Variants in VAMP8 observed in about 807,000 individuals in gnomAD.
VAMP8 encodes vesicle-associated membrane protein 8.
In VAMP8, 9 loss-of-function variants were observed where a neutral mutation model predicts 11.4. The ratio of observed to expected loss-of-function variants is 0.79; its 90% confidence interval spans 0.48 to 1.38. The LOEUF (loss-of-function observed/expected upper bound fraction) is 1.38, where lower values mean the gene tolerates loss of function less well. Among genes scored for constraint, VAMP8 ranks in the 40% most tolerant of loss-of-function variants. VAMP8 has a pLI of 0.00. For missense variants in VAMP8, 108 were observed against 127.8 expected (o/e 0.85, Z 0.75); for synonymous variants, 42 against 44.7 (o/e 0.94, Z 0.24).
At chr2:85,578,809 T>C (rs943553054) in intron 1 of VAMP8, among the ~76,000 whole-genome samples, 200 bp from the exon 2 acceptor site, 1 of 152,204 alleles carries the variant, frequency 6.6e-6, no homozygotes, top group African/African-American at 2.4e-5. Context: ...CTGTTCAGCA[T>C]CACATCTCAC....
chr2:85,579,124 A>G lies in VAMP8; in HGVS notation c.119A>G (p.Asn40Ser). 2 of 1,608,682 alleles carry G rather than the reference A, an allele frequency of 1.2e-6. No homozygotes were observed. Among genetic ancestry groups the G allele is most frequent in the Non-Finnish European group, 1.7e-6 (2 of 1,177,014 alleles). The change falls in exon 2 of 3, where the codon AAC becomes AGC. Residue 40 changes from asparagine (N) to serine (S), a missense_variant. By Grantham distance (46) the Asn-to-Ser change is conservative (BLOSUM62 1). Coordinates refer to ENST00000263864, the MANE Select transcript of VAMP8 (RefSeq NM_003761.5). ...NVERILARGENLEHLRNKTED... is the reference protein window; with the variant it reads ...NVERILARGESLEHLRNKTED... ...GAGCGGATCCTGGCCCGGGGGGAAA[A>G]CTTGGAACATCTCCGCAACAAGACA...
At chr2:85,577,828 C>A (rs1672306337) in intron 1 of VAMP8, among the ~76,000 whole-genome samples, 179 bp downstream of exon 1, 2 of 152,176 alleles carry the variant, frequency 1.3e-5, no homozygotes, top group Admixed American at 6.5e-5. Flanking sequence ...GCTGTCCTGG[C>A]AGGTGTTTCT....
At chr2:85,579,333 T>C (rs1672332001) in intron 2 of VAMP8, among the ~76,000 whole-genome samples, 166 bp downstream of exon 2, 1 of 152,226 alleles carries the variant, frequency 6.6e-6, no homozygotes, top group Admixed American at 6.5e-5. Flanking sequence ...TCTGCTCTGC[T>C]CCACAGATTG....
intron 1 of VAMP8, among the ~76,000 whole-genome samples, chr2:85,578,478 G>A (rs1672317242): frequency 6.6e-6 from 1 of 152,192 alleles, no homozygotes; most frequent in African/African-American, 2.4e-5. Context: ...CTGTTGTTCT[G>A]GGTCACAGCA....
chr2:85,578,851 A>C (rs1310420633), intron 1 of VAMP8, among the ~76,000 whole-genome samples, 158 bp from the exon 2 acceptor site: 1 of 152,150 alleles, frequency 6.6e-6, no homozygotes, highest in Non-Finnish European at 1.5e-5. Flanking sequence ...TTTATTTTTG[A>C]TTACAGAAGT....
At position 85,581,829 on chromosome 2, in the gene VAMP8, C is replaced by G; in HGVS notation, c.*113C>G. ...TCTACAGAGAATGCTGCTCGGTCCTCCTACCCCTCTTCCCGAGGCCCTGCT... is the reference window on the plus strand; with the variant it reads ...TCTACAGAGAATGCTGCTCGGTCCTGCTACCCCTCTTCCCGAGGCCCTGCT... On this transcript the variant is annotated 3_prime_UTR_variant, in exon 3 of 3. Transcript: ENST00000263864. 7.0e-7 allele frequency: 1 copy of G among 1,431,714 alleles called. No homozygotes were observed. Among genetic ancestry groups the G allele is most frequent in the South Asian group, 1.3e-5 (1 of 76,268 alleles). The allele number at this position is 1,431,714 out of a possible 1,614,324, so 88.7% of individuals were successfully genotyped here.
chr2:85,579,266 T>A, intron 2 of VAMP8, 99 bp downstream of exon 2: 1 of 1,345,230 alleles, frequency 7.4e-7, no homozygotes, highest in Non-Finnish European at 1.0e-6. Context: ...AGTTTGACAT[T>A]TCTGTTGCCT....
In VAMP8 at chr2:85,577,601, C is replaced by G; in HGVS notation, c.-46C>G. Reference sequence around the variant, plus strand: ...ACTGAGGGCCACCCTGGGAGGAAGCCGACTAGGCGAATTCACTTACTGACC... The same window carrying G: ...ACTGAGGGCCACCCTGGGAGGAAGCGGACTAGGCGAATTCACTTACTGACC... On this transcript the variant is annotated 5_prime_UTR_variant, in exon 1 of 3. Coordinates refer to ENST00000263864, the MANE Select transcript of VAMP8 (RefSeq NM_003761.5). 1.3e-6 allele frequency: 2 copies of G among 1,551,654 alleles called. No homozygotes were observed. Among genetic ancestry groups the G allele is most frequent in the Non-Finnish European group, 1.7e-6 (2 of 1,147,056 alleles).
At chr2:85,579,255 A>T in intron 2 of VAMP8, 88 bp downstream of exon 2, 1 of 1,405,656 alleles carries the variant, frequency 7.1e-7, no homozygotes, top group Non-Finnish European at 9.5e-7. Context: ...GGAGGGCCAG[A>T]AGTTTGACAT....
intron 2 of VAMP8, chr2:85,579,743 C>G: frequency 6.4e-7 from 1 of 1,550,720 alleles, no homozygotes; most frequent in South Asian, 1.2e-5. Context: ...TCTCTCCAGC[C>G]AGGGGCTGAG....
rs1672301479 is a variant in VAMP8 at position 85,577,588 on chromosome 2, C to T, written c.-59C>T. ...AAGCAGGAAGTGAACTGAGGGCCAC[C>T]CTGGGAGGAAGCCGACTAGGCGAAT... On this transcript the variant is annotated 5_prime_UTR_variant, in exon 1 of 3. Coordinates refer to ENST00000263864, the MANE Select transcript of VAMP8 (RefSeq NM_003761.5). The T allele has an allele frequency of 6.4e-7, 1 of 1,551,554 alleles. No homozygotes were observed. The highest frequency in any genetic ancestry group is 1.4e-5 in the African/African-American group (1 of 73,098).
chr2:85,579,484 C>G (rs1306125820), intron 2 of VAMP8, among the ~76,000 whole-genome samples: 2 of 152,176 alleles, frequency 1.3e-5, no homozygotes, highest in Non-Finnish European at 2.9e-5. Context: ...CCCTTTGAAG[C>G]CTGCCCATGA....
chr2:85,581,106 T>TGGAGATG (rs1330106811), intron 2 of VAMP8, among the ~76,000 whole-genome samples: 1 of 152,086 alleles, frequency 6.6e-6, no homozygotes, highest in Non-Finnish European at 1.5e-5. Context: ...GCTTGAGCCC[T>TGGAGATG]GGAGATGGAA....
At chr2:85,580,053 A>G (rs2104030885) in intron 2 of VAMP8, among the ~76,000 whole-genome samples, 1 of 151,812 alleles carries the variant, frequency 6.6e-6, no homozygotes, top group African/African-American at 2.4e-5. Context: ...CTGGGTTCAA[A>G]CGATTCTCGT....
chr2:85,578,944 A>C, intron 1 of VAMP8, 65 bp from the exon 2 acceptor site: 1 of 1,550,172 alleles, frequency 6.5e-7, no homozygotes, highest in Middle Eastern at 1.7e-4. Context: ...CCCTCCCCAG[A>C]TCTCTGAGCC....
At position 85,581,867 on chromosome 2, in the gene VAMP8, GC is replaced by G; in HGVS notation, c.*155del. 9.8e-7 allele frequency: 1 copy of G among 1,022,350 alleles called. No homozygotes were observed. The highest frequency in any genetic ancestry group is 1.4e-6 in the Non-Finnish European group (1 of 697,678). The allele number at this position is 1,022,350 out of a possible 1,614,324, so 63.3% of individuals were successfully genotyped here. ...CCGAGGCCCTGCTGCCATGTTGTAT[GC>G]CCCAGAAGGTACCTTGGTCCCCCGG... On this transcript the variant is annotated 3_prime_UTR_variant, in exon 3 of 3. Coordinates refer to ENST00000263864, the MANE Select transcript of VAMP8 (RefSeq NM_003761.5).
At position 85,579,111 on chromosome 2, in the gene VAMP8, GC is replaced by G. The variant is rs1196838122; in HGVS notation, c.109del (p.Arg37GlyfsTer38). 1 of 1,608,738 alleles carries G rather than the reference GC, an allele frequency of 6.2e-7. No homozygotes were observed. Among genetic ancestry groups the G allele is most frequent in the South Asian group, 1.1e-5 (1 of 90,062 alleles). ...GACCCAGAATGTGGAGCGGATCCTG[GC>G]CCGGGGGGAAAACTTGGAACATCTC... ...IMTQNVERIL[A>X]RGENLEHLRN... On this transcript the variant is annotated frameshift_variant, in exon 2 of 3. Coordinates refer to ENST00000263864, the MANE Select transcript of VAMP8 (RefSeq NM_003761.5). LOFTEE classifies it high-confidence loss of function.
Position 85,579,920 on chromosome 2 carries a change from C to G in VAMP8, c.162+753C>G, listed in dbSNP as rs578222783. ...TGGGGCTCATTGCCTGTTTCTGTAG[C>G]TTAATTGTAGCTTAATTTGGGGAGC... On this transcript the variant is annotated intron_variant, in intron 2 of 2. Transcript: ENST00000263864. 8 of 1,519,136 alleles carry G rather than the reference C, an allele frequency of 5.3e-6. No homozygotes were observed. The African/African-American group carries it at 7.0e-5, about 13-fold the overall frequency. The allele number at this position is 1,519,136 out of a possible 1,614,324, so 94.1% of individuals were successfully genotyped here. A position where few individuals can be genotyped will look rare whatever the true frequency, so the allele number is the denominator to read the frequency against.
intron 2 of VAMP8, among the ~76,000 whole-genome samples, 183 bp downstream of exon 2, chr2:85,579,350 A>G (rs1001304016): frequency 6.6e-6 from 1 of 152,170 alleles, no homozygotes; most frequent in Non-Finnish European, 1.5e-5. Context: ...ATTGTTATGG[A>G]TCCCAGGGAA....
Sources: gnomAD v4.1 joint callset for allele counts (sites outside exome capture counted in the v4.1 genomes callset) on GRCh38, gnomAD v4.1.1 for gene constraint, MANE v1.5 for transcripts, NCBI Gene and HGNC (gene_info 2026-07-23, HGNC 2026-07-21) for gene names.